Variants in ASRGL1 observed in about 807,000 individuals in gnomAD.
ASRGL1 encodes the protein isoaspartyl peptidase/L-asparaginase.
In ASRGL1, 16 loss-of-function variants were observed where a neutral mutation model predicts 22.4. The ratio of observed to expected loss-of-function variants is 0.71; its 90% CI spans 0.48 to 1.08. ASRGL1 has a LOEUF of 1.08. Ranked by LOEUF, ASRGL1 falls within the 50% of genes least tolerant of loss-of-function variation. The probability of loss-of-function intolerance (pLI) is 0.00; values close to 1 mark genes in which losing one functional copy is unlikely to be tolerated. For missense variants in ASRGL1, 412 were observed against 410.1 expected (o/e 1.00, Z -0.04); for synonymous variants, 165 against 159.3 (o/e 1.04, Z -0.27).
chr11:62,339,659 T>A (rs1007781669), intron 2 of ASRGL1, among the ~76,000 whole-genome samples: 1 of 152,252 alleles, frequency 6.6e-6, no homozygotes. Context: ...GAACATTAAA[T>A]GATTCACTTA....
At chr11:62,355,844 G>A (rs537949913) in intron 2 of ASRGL1, among the ~76,000 whole-genome samples, 165 of 151,520 alleles carry the variant, frequency 1.1e-3, no homozygotes, top group African/African-American at 3.5e-3. Flanking sequence ...TGCTGCCTTC[G>A]AGCATTTGTT....
At chr11:62,353,903 A>C (rs1946220896) in intron 2 of ASRGL1, among the ~76,000 whole-genome samples, 2 of 152,194 alleles carry the variant, frequency 1.3e-5, no homozygotes, top group South Asian at 2.1e-4. Flanking sequence ...AAAAGATGTG[A>C]GCTTCTTTGG....
chr11:62,378,976 C>G (rs1946997717), intron 4 of ASRGL1, among the ~76,000 whole-genome samples: 1 of 152,040 alleles, frequency 6.6e-6, no homozygotes, highest in South Asian at 2.1e-4. Context: ...AGTCCCTTTC[C>G]TGGTATATAT....
chr11:62,371,995 G>C lies in ASRGL1; in HGVS notation c.491+14851G>C, dbSNP rs11824690. 2.2e-5 allele frequency: 15 copies of C among 669,222 alleles called. No homozygotes were observed. The East Asian group carries it at 3.3e-4, about 15-fold the overall frequency. The allele number at this position is 669,222 out of a possible 1,614,324, so 41.5% of individuals were successfully genotyped here. A position where few individuals can be genotyped will look rare whatever the true frequency, so the allele number is the denominator to read the frequency against. The stretch of plus-strand genomic sequence containing the variant: ...AAAAAGTTCCTAAACAGGAAGCTGC[G>C]TACGGCAATATCCGTCAGAATTTGT... On this transcript the variant is annotated intron_variant, in intron 4 of 6. Coordinates refer to ENST00000415229, the MANE Select transcript of ASRGL1 (RefSeq NM_001083926.2).
intron 4 of ASRGL1, chr11:62,372,143 G>C (rs1197969919): frequency 1.8e-5 from 16 of 865,042 alleles, no homozygotes; most frequent in East Asian, 1.5e-4. Flanking sequence ...GGGTCGAAAT[G>C]AGAAGGCGCA....
intron 4 of ASRGL1, among the ~76,000 whole-genome samples, chr11:62,380,178 A>G (rs1387730322): frequency 6.6e-6 from 1 of 152,108 alleles, no homozygotes; most frequent in Non-Finnish European, 1.5e-5. Flanking sequence ...ATAGGCTTTT[A>G]CGTACTCTGA....
At chr11:62,364,297 T>C in intron 4 of ASRGL1, among the ~76,000 whole-genome samples, 1 of 152,140 alleles carries the variant, frequency 6.6e-6, no homozygotes, top group Non-Finnish European at 1.5e-5. Flanking sequence ...TTGCCATTCA[T>C]CTGCCATCAC....
At chr11:62,341,997 T>C (rs1945875343) in intron 2 of ASRGL1, among the ~76,000 whole-genome samples, 1 of 152,234 alleles carries the variant, frequency 6.6e-6, no homozygotes, top group African/African-American at 2.4e-5. Context: ...TTTTTATTTT[T>C]TGTTGAAAGG....
chr11:62,343,241 A>T (rs1489796666), intron 2 of ASRGL1, among the ~76,000 whole-genome samples: 4 of 151,364 alleles, frequency 2.6e-5, no homozygotes, highest in Admixed American at 2.6e-4. Flanking sequence ...AGCCAAGTGC[A>T]GTGGTGGGCA....
intron 5 of ASRGL1, 92 bp downstream of exon 5, chr11:62,389,343 C>A: frequency 2.5e-6 from 3 of 1,214,508 alleles, no homozygotes; most frequent in Non-Finnish European, 3.6e-6. Context: ...CCGTTTCTTG[C>A]TGCGTTCCCT....
chr11:62,391,443 T>A (rs1173169925), intron 5 of ASRGL1, 79 bp from the exon 6 acceptor site: 2 of 1,515,450 alleles, frequency 1.3e-6, no homozygotes. Flanking sequence ...CGATTTAACT[T>A]TCATGTAGCG....
At chr11:62,368,510 T>C (rs1946675553) in intron 4 of ASRGL1, among the ~76,000 whole-genome samples, 1 of 152,126 alleles carries the variant, frequency 6.6e-6, no homozygotes, top group African/African-American at 2.4e-5. Flanking sequence ...GGCCTGCCCC[T>C]CCACACCTGT....
intron 4 of ASRGL1, chr11:62,372,400 C>A (rs7935912): frequency 0.81 from 1,262,253 of 1,560,772 alleles, 512,406 homozygotes; most frequent in South Asian, 0.85. Flanking sequence ...TGTGAGGCTG[C>A]AAATCAGTAT....
chr11:62,398,952 T>C, the ASRGL1 span, among the ~76,000 whole-genome samples: 1 of 152,208 alleles, frequency 6.6e-6, no homozygotes, highest in South Asian at 2.1e-4. Context: ...GCAGATGACC[T>C]GAGGTTAGGA....
rs934746441 is a variant in ASRGL1, at chr11:62,356,842, A to T, written c.334-145A>T. On this transcript the variant is annotated intron_variant, in intron 3 of 6. Transcript: ENST00000415229. ...ACAAAAACTCAGTCAGGCTTTTTTC[A>T]GCATACAGAAAAGCAAACCACTGGA... is the stretch of plus-strand genomic sequence containing the variant. The T allele has an allele frequency of 6.0e-5, 63 of 1,058,044 alleles. 1 individual carries two copies. Among genetic ancestry groups the T allele is most frequent in the Non-Finnish European group, 7.9e-5 (60 of 762,914 alleles). The allele number at this position is 1,058,044 out of a possible 1,614,324, so 65.5% of individuals were successfully genotyped here.
At chr11:62,358,759 A>G (rs1946365279) in intron 4 of ASRGL1, among the ~76,000 whole-genome samples, 1 of 152,180 alleles carries the variant, frequency 6.6e-6, no homozygotes, top group African/African-American at 2.4e-5. Context: ...AAATCTCCAC[A>G]TCCGTTGCTC....
downstream of ASRGL1, among the ~76,000 whole-genome samples, chr11:62,396,659 C>G (rs1947436098): frequency 6.6e-6 from 1 of 152,194 alleles, no homozygotes; most frequent in Non-Finnish European, 1.5e-5. Flanking sequence ...ACAGCTCTAG[C>G]TTTCAAAATT....
chr11:62,383,072 ATC>A (rs1156746796), intron 4 of ASRGL1: 1 of 152,168 alleles, frequency 6.6e-6, no homozygotes, highest in Non-Finnish European at 1.5e-5. Flanking sequence ...TAACAGCCTG[ATC>A]TCTTTCGTTT....
downstream of ASRGL1, among the ~76,000 whole-genome samples, chr11:62,393,932 C>T (rs1180854021): frequency 1.3e-5 from 2 of 150,778 alleles, no homozygotes. Context: ...TTCCTCTGTA[C>T]GTGCACAGCC....
Sources: gnomAD v4.1 joint callset for allele counts (sites outside exome capture counted in the v4.1 genomes callset) on GRCh38, gnomAD v4.1.1 for gene constraint, MANE v1.5 for transcripts, NCBI Gene and HGNC (gene_info 2026-07-23, HGNC 2026-07-21) for gene names.